Variants in CPED1 observed in about 807,000 individuals in gnomAD.
The protein encoded by CPED1 is cadherin-like and PC-esterase domain-containing protein 1.
CPED1 carries 114 observed loss-of-function variants against 128.2 expected under a neutral mutation model. The ratio of observed to expected loss-of-function variants is 0.89; its 90% CI spans 0.76 to 1.04. The LOEUF is 1.04. Ranked by LOEUF, CPED1 falls within the 50% of genes least tolerant of loss-of-function variation. The probability of loss-of-function intolerance (pLI) is 0.00; values close to 1 mark genes in which losing one functional copy is unlikely to be tolerated. For missense variants in CPED1, 1,211 were observed against 1,207.1 expected, an observed-to-expected ratio of 1.00 and a Z score of -0.05; for synonymous variants, 462 against 426.7, an observed-to-expected ratio of 1.08 and a Z score of -1.02.
intron 2 of CPED1, among the ~76,000 whole-genome samples, chr7:120,997,588 G>A (rs1796428429): frequency 1.3e-5 from 2 of 152,170 alleles, no homozygotes; most frequent in Non-Finnish European, 2.9e-5. Flanking sequence ...AGGTCACACT[G>A]GAGTAAGGTG....
chr7:121,142,120 C>T lies in CPED1; in HGVS notation c.2034C>T (p.Phe678=), dbSNP rs1265774874. 1 of 1,611,420 alleles carries T rather than the reference C, an allele frequency of 6.2e-7. No homozygotes were observed. The highest frequency in any genetic ancestry group is 1.7e-5 in the Admixed American group (1 of 59,886). ...CAAGTCTGCCCTTGTTTGAGGCCTT[C>T]ACAGCATGTGGTTTTGTGCAGGTAA... ...DRPSLPLFEA[F]TACGFVQDCG... Residue 678 remains phenylalanine (F), a synonymous_variant, in exon 16 of 23, where the codon TTC becomes TTT. Coordinates refer to ENST00000310396, the MANE Select transcript of CPED1 (RefSeq NM_024913.5).
rs1795526546 is a variant in CPED1 at position 121,127,234 on chromosome 7, C to T, written c.1279C>T (p.Leu427Phe). 3.2e-6 allele frequency: 5 copies of T among 1,581,936 alleles called. No individual in the cohort carries two copies. In the South Asian group the frequency reaches 4.5e-5, roughly 14 times the overall value. Residue 427 changes from leucine to phenylalanine, a missense_variant, in exon 10 of 23, where the codon CTT becomes TTT. By Grantham distance (22) the Leu-to-Phe change is conservative. Transcript: ENST00000310396. ...CATATTTTCTGAGATATTTCAGAGA[C>T]TTTATAGATCAGATGTTTTCAAGGT... ...LSIFSEIFQR[L>F]YRSDVFKGEN...
chr7:121,285,839 G>A (rs534756311), intron 22 of CPED1, among the ~76,000 whole-genome samples: 2 of 152,220 alleles, frequency 1.3e-5, no homozygotes, highest in African/African-American at 4.8e-5. Flanking sequence ...CTTCTTCTGA[G>A]CCCTCCAAAC....
intron 4 of CPED1, among the ~76,000 whole-genome samples, chr7:121,055,158 A>G (rs1009405605): frequency 6.6e-5 from 10 of 152,216 alleles, no homozygotes; most frequent in Non-Finnish European, 1.5e-5. Context: ...AACACTTGCC[A>G]TAAACCTTTG....
chr7:121,211,429 A>G (rs1208395734), intron 16 of CPED1, among the ~76,000 whole-genome samples: 1 of 152,104 alleles, frequency 6.6e-6, no homozygotes, highest in East Asian at 1.9e-4. Flanking sequence ...TTAAAGATAA[A>G]GCAGAAGAGC....
rs1796280059 is a variant in CPED1 at position 120,989,772 on chromosome 7, C to T, written c.151C>T (p.His51Tyr). ...LTAAAPGAVP[H>Y]TSTETQASRC... Reference sequence around the variant, plus strand: ...AGCCGCTGCCCCTGGGGCTGTCCCACACACATCCACTGAAACCCAGGCAAG... The same window carrying T: ...AGCCGCTGCCCCTGGGGCTGTCCCATACACATCCACTGAAACCCAGGCAAG... The change falls in exon 2 of 23, where the codon CAC becomes TAC. Residue 51 changes from histidine to tyrosine, a missense_variant. Coordinates refer to ENST00000310396, the MANE Select transcript of CPED1 (RefSeq NM_024913.5). 3.7e-6 allele frequency: 6 copies of T among 1,614,028 alleles called. No individual in the cohort carries two copies. The highest frequency in any genetic ancestry group is 5.1e-6 in the Non-Finnish European group (6 of 1,180,016).
chr7:121,047,843 C>A (rs1302743350), intron 4 of CPED1, among the ~76,000 whole-genome samples: 1 of 151,434 alleles, frequency 6.6e-6, no homozygotes, highest in South Asian at 2.1e-4. Context: ...CCGGTGGTAG[C>A]GGGCGCCCGT....
At chr7:120,998,858 G>A (rs1796454117) in intron 2 of CPED1, among the ~76,000 whole-genome samples, 1 of 151,348 alleles carries the variant, frequency 6.6e-6, no homozygotes, top group South Asian at 2.1e-4. Flanking sequence ...TGAACAGCAT[G>A]TTATAGCTGG....
intron 5 of CPED1, among the ~76,000 whole-genome samples, chr7:121,073,584 G>A (rs184391805): frequency 2.3e-3 from 350 of 152,296 alleles, no homozygotes; most frequent in African/African-American, 7.5e-3. Flanking sequence ...GTCAAAAGCC[G>A]TATTGTGTAA....
At chr7:121,157,952 G>T (rs1796328552) in intron 16 of CPED1, among the ~76,000 whole-genome samples, 1 of 151,964 alleles carries the variant, frequency 6.6e-6, no homozygotes, top group South Asian at 2.1e-4. Context: ...ACCCTTACTG[G>T]TTAAATCTTA....
chr7:121,116,258 A>G (rs1407413503), intron 7 of CPED1, among the ~76,000 whole-genome samples: 1 of 152,218 alleles, frequency 6.6e-6, no homozygotes, highest in African/African-American at 2.4e-5. Flanking sequence ...CTGGAAACAG[A>G]AAACTTATTT....
Position 121,016,830 on chromosome 7 carries a change from A to G in CPED1, c.433+982A>G, listed in dbSNP as rs1792314111. Among the ~76,000 whole-genome samples the G allele has an allele frequency of 2.0e-5, 3 of 152,164 alleles. No homozygotes were observed. The South Asian group carries it at 6.2e-4, about 32-fold the overall frequency. On this transcript the variant is annotated intron_variant, in intron 3 of 22. Coordinates refer to ENST00000310396, the MANE Select transcript of CPED1 (RefSeq NM_024913.5). ...AATATATCTATTTTCCTATTTATTA[A>G]AAGGGGAGGAGGAGAAGCAATTTGA... is the stretch of plus-strand genomic sequence containing the variant.
intron 16 of CPED1, among the ~76,000 whole-genome samples, chr7:121,189,319 C>T (rs893237214): frequency 1.3e-5 from 2 of 152,100 alleles, no homozygotes; most frequent in Non-Finnish European, 2.9e-5. Flanking sequence ...GACAGTTCTG[C>T]AGGCTGTACA....
At chr7:121,222,767 T>C (rs564253328) in intron 16 of CPED1, among the ~76,000 whole-genome samples, 59 of 152,176 alleles carry the variant, frequency 3.9e-4, no homozygotes, top group Non-Finnish European at 6.5e-4. Flanking sequence ...TGTCTGTTAT[T>C]GGTGTATAGG....
At chr7:121,145,118 C>A in intron 16 of CPED1, among the ~76,000 whole-genome samples, 1 of 151,126 alleles carries the variant, frequency 6.6e-6, no homozygotes, top group East Asian at 1.9e-4. Flanking sequence ...TACAATATAT[C>A]AACTATACAT....
intron 4 of CPED1, among the ~76,000 whole-genome samples, chr7:121,055,274 T>G (rs1563007927): frequency 6.6e-6 from 1 of 152,146 alleles, no homozygotes; most frequent in East Asian, 1.9e-4. Flanking sequence ...AATTTAAAAA[T>G]TTTTAAAATG....
intron 3 of CPED1, among the ~76,000 whole-genome samples, chr7:121,029,714 G>A (rs557213991): frequency 2.6e-5 from 4 of 152,144 alleles, no homozygotes; most frequent in East Asian, 3.9e-4. Context: ...CTTTATAATC[G>A]TACATGACAT....
At chr7:121,232,683 C>T (rs1798164926) in intron 16 of CPED1, among the ~76,000 whole-genome samples, 2 of 152,002 alleles carry the variant, frequency 1.3e-5, no homozygotes, top group Admixed American at 6.6e-5. Flanking sequence ...AGAATCATCA[C>T]GTTTTGAGAG....
chr7:121,079,537 G>T (rs1277041718), intron 5 of CPED1, among the ~76,000 whole-genome samples: 1 of 152,152 alleles, frequency 6.6e-6, no homozygotes, highest in East Asian at 1.9e-4. Context: ...TTGGTTCTTT[G>T]TCTCGCAAAA....
Sources: allele counts gnomAD v4.1 joint callset (sites outside exome capture counted in the v4.1 genomes callset), GRCh38; gene constraint gnomAD v4.1.1; transcripts MANE v1.5; gene names NCBI Gene and HGNC (gene_info 2026-07-23, HGNC 2026-07-21).